Variants in R3HDM1 observed in about 807,000 individuals in gnomAD.
R3HDM1 encodes the protein R3H domain-containing protein 1.
Under a neutral mutation model 141.1 loss-of-function variants are expected in R3HDM1, and 46 were observed. That is an observed-to-expected ratio of 0.33 (90% CI 0.26 to 0.42). The LOEUF (loss-of-function observed/expected upper bound fraction) is 0.42. Among genes scored for constraint, R3HDM1 ranks in the 10% least tolerant of loss-of-function variants. The pLI is 1.00. For missense variants in R3HDM1, 1,184 were observed against 1,368.3 expected, an observed-to-expected ratio of 0.87 and a Z score of 2.12; for synonymous variants, 435 against 472.9, an observed-to-expected ratio of 0.92 and a Z score of 1.04.
At chr2:135,708,958 C>A (rs376382473) in intron 21 of R3HDM1, among the ~76,000 whole-genome samples, 2,214 of 102,042 alleles carry the variant, frequency 0.022, no homozygotes, top group African/African-American at 0.036. Flanking sequence ...AACTCTGTCT[C>A]AAAAAAAAAA....
At chr2:135,668,677 A>G (rs951467536) in intron 19 of R3HDM1, among the ~76,000 whole-genome samples, 7 of 152,230 alleles carry the variant, frequency 4.6e-5, no homozygotes, top group African/African-American at 1.7e-4. Flanking sequence ...ATTGCTTCAC[A>G]GAACTTCAAG....
At chr2:135,643,403 A>G (rs940476510) in intron 15 of R3HDM1, among the ~76,000 whole-genome samples, 2 of 148,910 alleles carry the variant, frequency 1.3e-5, no homozygotes, top group Admixed American at 1.4e-4. Flanking sequence ...ATGTTTTGAT[A>G]TCATAAGTTT....
intron 1 of R3HDM1, among the ~76,000 whole-genome samples, chr2:135,554,858 T>C (rs1203004781): frequency 1.3e-5 from 2 of 152,188 alleles, no homozygotes. Flanking sequence ...AAATTTTTGT[T>C]GTTTAAGCTA....
intron 20 of R3HDM1, 63 bp from the exon 21 acceptor site, chr2:135,680,110 C>T: frequency 6.7e-7 from 1 of 1,491,466 alleles, no homozygotes; most frequent in Non-Finnish European, 9.2e-7. Context: ...AGGTTGAAAA[C>T]ATAAACATTT....
chr2:135,585,866 G>A (rs1448155493), intron 1 of R3HDM1, among the ~76,000 whole-genome samples: 1 of 152,144 alleles, frequency 6.6e-6, no homozygotes, highest in Non-Finnish European at 1.5e-5. Context: ...TAAGAAATAA[G>A]GAATTGTGCT....
intron 21 of R3HDM1, among the ~76,000 whole-genome samples, chr2:135,692,175 G>A (rs2072505821): frequency 6.6e-6 from 1 of 152,004 alleles, no homozygotes; most frequent in Non-Finnish European, 1.5e-5. Flanking sequence ...CTCCCAAAGT[G>A]CTGGGATTAC....
intron 2 of R3HDM1, among the ~76,000 whole-genome samples, chr2:135,603,669 G>A (rs986308190): frequency 5.9e-5 from 9 of 152,134 alleles, no homozygotes; most frequent in Non-Finnish European, 1.2e-4. Flanking sequence ...GTCTAGTGGC[G>A]TGATCACAGC....
intron 20 of R3HDM1, 129 bp from the exon 21 acceptor site, chr2:135,680,044 C>T: frequency 3.2e-6 from 3 of 943,664 alleles, no homozygotes; most frequent in East Asian, 2.6e-5. Context: ...TGCACCACTA[C>T]ACTCCAGCCT....
chr2:135,695,648 G>A (rs2073130517), intron 21 of R3HDM1, among the ~76,000 whole-genome samples: 1 of 151,710 alleles, frequency 6.6e-6, no homozygotes, highest in African/African-American at 2.4e-5. Context: ...GAGGAACACA[G>A]TTAAGAATGT....
At chr2:135,531,940 TG>T (rs1377881569) in intron 1 of R3HDM1, among the ~76,000 whole-genome samples, 3 of 152,082 alleles carry the variant, frequency 2.0e-5, no homozygotes, top group Non-Finnish European at 4.4e-5. Context: ...GGGGGCCATG[TG>T]AAAAGCAAAC....
At chr2:135,570,202 G>T (rs895623569) in intron 1 of R3HDM1, among the ~76,000 whole-genome samples, 6 of 152,180 alleles carry the variant, frequency 3.9e-5, no homozygotes, top group Non-Finnish European at 7.3e-5. Flanking sequence ...CTTATTTTCT[G>T]CCACTTAAGC....
chr2:135,695,970 A>T (rs60830635), intron 21 of R3HDM1, among the ~76,000 whole-genome samples: 10,944 of 152,278 alleles, frequency 0.072, 801 homozygotes, highest in African/African-American at 0.19. Context: ...GCTCGTGTGT[A>T]TAATAAATCA....
At chr2:135,625,450 T>C (rs750288284) in intron 7 of R3HDM1, among the ~76,000 whole-genome samples, 5 of 152,034 alleles carry the variant, frequency 3.3e-5, no homozygotes, top group Non-Finnish European at 4.4e-5. Flanking sequence ...CATCTCAAAA[T>C]AAATGAATGA....
intron 1 of R3HDM1, among the ~76,000 whole-genome samples, chr2:135,576,821 T>C (rs1322419438): frequency 2.0e-5 from 3 of 152,110 alleles, no homozygotes; most frequent in Admixed American, 6.5e-5. Flanking sequence ...AGTGTGAAAG[T>C]AGATTAGTGG....
chr2:135,709,499 A>G lies in R3HDM1; in HGVS notation c.2526A>G (p.Pro842=). 1 of 1,614,148 alleles carries G rather than the reference A, an allele frequency of 6.2e-7. No individual in the cohort carries two copies. The highest frequency in any genetic ancestry group is 8.5e-7 in the Non-Finnish European group (1 of 1,180,018). ...EQVQFPRTTS[P]CSSQQLQGHQ... ...TACAATTTCCTCGAACCACTTCACC[A>G]TGCAGTTCCCAGCAGCTTCAAGGCC... Residue 842 remains proline (P), a synonymous_variant, in exon 22 of 27, where the codon CCA becomes CCG. Coordinates refer to ENST00000683871, the MANE Select transcript of R3HDM1 (RefSeq NM_001378107.1).
At chr2:135,614,813 CTCTT>C (rs923621085) in intron 3 of R3HDM1, among the ~76,000 whole-genome samples, 8 of 150,732 alleles carry the variant, frequency 5.3e-5, no homozygotes, top group East Asian at 1.9e-4. Context: ...GCTTTTCTCT[CTCTT>C]TTTTTTTTCC....
chr2:135,671,014 C>T (rs753843574), intron 19 of R3HDM1, among the ~76,000 whole-genome samples: 16 of 151,818 alleles, frequency 1.1e-4, no homozygotes, highest in Non-Finnish European at 2.1e-4. Context: ...GGTGAGATTG[C>T]GCCACTGCAT....
chr2:135,630,281 CAAAAAAAAAAAAA>C lies in R3HDM1; in HGVS notation c.498-1422_498-1410del, dbSNP rs911009655. 1.2e-3 allele frequency among the ~76,000 whole-genome samples: 46 copies of C among 39,316 alleles called. 1 individual carries two copies. The highest frequency in any genetic ancestry group is 1.9e-3 in the East Asian group (3 of 1,572). The allele number at this position is 39,316 out of a possible 152,430, so 25.8% of individuals were successfully genotyped here. On this transcript the variant is annotated intron_variant, in intron 7 of 26. Coordinates refer to ENST00000683871, the MANE Select transcript of R3HDM1 (RefSeq NM_001378107.1). The stretch of plus-strand genomic sequence containing the variant: ...AACAAGAGCGAAACTCCTTCTCAAC[CAAAAAAAAAAAAA>C]AAAAAAAAAAAAAACAAAAAAAAAA...
chr2:135,613,851 C>T (rs1460926610), intron 3 of R3HDM1, among the ~76,000 whole-genome samples: 26 of 152,114 alleles, frequency 1.7e-4, no homozygotes. Flanking sequence ...CTTAGCAGTA[C>T]CTTGATTTGT....
Sources: allele counts gnomAD v4.1 joint callset (sites outside exome capture counted in the v4.1 genomes callset), GRCh38; gene constraint gnomAD v4.1.1; transcripts MANE v1.5; gene names NCBI Gene and HGNC (gene_info 2026-07-23, HGNC 2026-07-21).